LYPD6: variants seen among roughly 807,000 people sequenced by gnomAD.
LYPD6 encodes LY6/PLAUR domain containing 6.
Under a neutral mutation model 22.7 loss-of-function variants are expected in LYPD6, and 15 were observed. The observed-to-expected ratio is 0.66, with a 90% CI of 0.44 to 1.02. The LOEUF is 1.02. LYPD6 is among the 50% of genes least tolerant of loss of function. LYPD6 has a pLI of 0.00. For synonymous variants in LYPD6, 72 were observed against 77.5 expected (o/e 0.93, Z 0.37); for missense variants, 189 against 208.4 (o/e 0.91, Z 0.57).
At chr2:149,351,409 A>AAG (rs1553514729) in intron 1 of LYPD6, among the ~76,000 whole-genome samples, 2 of 151,064 alleles carry the variant, frequency 1.3e-5, no homozygotes, top group Non-Finnish European at 2.9e-5. Context: ...AAAAAAAAAA[A>AAG]AAAAAAGAAA....
the LYPD6 span, among the ~76,000 whole-genome samples, chr2:149,484,268 C>T: frequency 6.6e-6 from 1 of 152,150 alleles, no homozygotes; most frequent in South Asian, 2.1e-4. Context: ...TTGGTGTGGA[C>T]TGATTATCCC....
chr2:149,411,853 A>G (rs1024347437), intron 1 of LYPD6, among the ~76,000 whole-genome samples: 3 of 152,210 alleles, frequency 2.0e-5, no homozygotes, highest in Non-Finnish European at 4.4e-5. Context: ...AAGGTTAGAC[A>G]TAGAGCCCAC....
At chr2:149,459,468 T>C (rs1288762839) in intron 3 of LYPD6, among the ~76,000 whole-genome samples, 2 of 152,218 alleles carry the variant, frequency 1.3e-5, no homozygotes, top group South Asian at 4.1e-4. Context: ...AAAAACTTAG[T>C]AAACGTACTT....
chr2:149,367,298 T>C (rs576671541), intron 1 of LYPD6, among the ~76,000 whole-genome samples: 5 of 152,152 alleles, frequency 3.3e-5, no homozygotes, highest in Non-Finnish European at 5.9e-5. Context: ...ATCCAGTTTG[T>C]TGAGGGCTTT....
At chr2:149,391,980 CA>C (rs1682320163) in intron 1 of LYPD6, among the ~76,000 whole-genome samples, 2 of 152,184 alleles carry the variant, frequency 1.3e-5, no homozygotes, top group South Asian at 4.1e-4. Context: ...GCTCATACAA[CA>C]GACATTTATT....
At chr2:149,445,482 A>C (rs1329678487) in intron 2 of LYPD6, among the ~76,000 whole-genome samples, 8 of 152,230 alleles carry the variant, frequency 5.3e-5, no homozygotes, top group Non-Finnish European at 1.0e-4. Flanking sequence ...GTCTACACTG[A>C]AAATCTGTTT....
chr2:149,384,722 T>A (rs902732862), intron 1 of LYPD6, among the ~76,000 whole-genome samples: 4 of 152,074 alleles, frequency 2.6e-5, no homozygotes, highest in East Asian at 1.9e-4. Flanking sequence ...AAATTTTTTT[T>A]ATTTTTTTAT....
chr2:149,342,119 AACAG>A (rs1681171739), intron 1 of LYPD6, among the ~76,000 whole-genome samples: 1 of 152,182 alleles, frequency 6.6e-6, no homozygotes, highest in African/African-American at 2.4e-5. Context: ...GTATTCACAA[AACAG>A]ACTCTAAGCC....
intron 2 of LYPD6, among the ~76,000 whole-genome samples, chr2:149,448,552 C>T (rs1046097205): frequency 6.6e-6 from 1 of 152,248 alleles, no homozygotes; most frequent in Admixed American, 6.5e-5. Context: ...CACCCCTACC[C>T]CCACCTCTGC....
chr2:149,396,376 C>CT (rs1222330771), intron 1 of LYPD6, among the ~76,000 whole-genome samples: 1 of 152,044 alleles, frequency 6.6e-6, no homozygotes, highest in Non-Finnish European at 1.5e-5. Flanking sequence ...CTCTCTTCCC[C>CT]TTCTGCCTGC....
At chr2:149,384,899 T>A (rs1682149196) in intron 1 of LYPD6, among the ~76,000 whole-genome samples, 1 of 122,398 alleles carries the variant, frequency 8.2e-6, no homozygotes, top group Non-Finnish European at 1.7e-5. Context: ...CCCACAACAG[T>A]CCCCAGAGTG....
chr2:149,424,926 G>A (rs930646976), intron 1 of LYPD6, among the ~76,000 whole-genome samples: 7 of 152,030 alleles, frequency 4.6e-5, no homozygotes, highest in Non-Finnish European at 8.8e-5. Context: ...GACAGAATTG[G>A]GCCCTAGTTG....
intron 2 of LYPD6, among the ~76,000 whole-genome samples, chr2:149,444,153 C>G (rs554458595): frequency 6.6e-6 from 1 of 152,144 alleles, no homozygotes; most frequent in East Asian, 1.9e-4. Flanking sequence ...AGGCTGGTCT[C>G]GAACTTGTGA....
intron 3 of LYPD6, among the ~76,000 whole-genome samples, chr2:149,455,064 CT>C (rs1680924193): frequency 6.6e-6 from 1 of 152,118 alleles, no homozygotes. Context: ...TCAGGCACCA[CT>C]CAGGGGGCTT....
chr2:149,345,280 T>C (rs1267687056), intron 1 of LYPD6, among the ~76,000 whole-genome samples: 1 of 151,832 alleles, frequency 6.6e-6, no homozygotes, highest in Admixed American at 6.6e-5. Flanking sequence ...TTTGGTTTGA[T>C]TGTCTATGGT....
At chr2:149,425,084 G>T (rs1156947189) in intron 1 of LYPD6, among the ~76,000 whole-genome samples, 2 of 152,026 alleles carry the variant, frequency 1.3e-5, no homozygotes, top group East Asian at 1.9e-4. Context: ...CAGATAAGCT[G>T]CCCTAGTTGG....
At chr2:149,450,681 C>G (rs1451579054) in intron 3 of LYPD6, among the ~76,000 whole-genome samples, 1 of 152,204 alleles carries the variant, frequency 6.6e-6, no homozygotes, top group Non-Finnish European at 1.5e-5. Flanking sequence ...TCTAACATTA[C>G]CACTGTGGAA....
intron 1 of LYPD6, among the ~76,000 whole-genome samples, chr2:149,345,104 C>T (rs75024759): frequency 0.018 from 2,794 of 151,962 alleles, 93 homozygotes; most frequent in African/African-American, 0.065. Flanking sequence ...AGACACCCCC[C>T]GACCCCATCT....
intron 3 of LYPD6, among the ~76,000 whole-genome samples, chr2:149,467,277 C>A (rs1426879217): frequency 6.6e-6 from 1 of 152,230 alleles, no homozygotes; most frequent in Non-Finnish European, 1.5e-5. Flanking sequence ...AGCCGGGATG[C>A]AGTGTGGGAC....
Sources: allele counts gnomAD v4.1 joint callset (sites outside exome capture counted in the v4.1 genomes callset), GRCh38; gene constraint gnomAD v4.1.1; transcripts MANE v1.5; gene names NCBI Gene and HGNC (gene_info 2026-07-23, HGNC 2026-07-21).